Variants in ANO3 observed in about 807,000 individuals in gnomAD.
The protein encoded by ANO3 is anoctamin-3.
A neutral mutation model predicts 144.8 loss-of-function variants in ANO3; 99 were observed. The ratio of observed to expected loss-of-function variants is 0.68; its 90% CI spans 0.58 to 0.81. ANO3 has a LOEUF of 0.81. Ranked by LOEUF, ANO3 falls within the 30% of genes least tolerant of loss-of-function variation. The pLI, the probability that ANO3 is intolerant of heterozygous loss-of-function variation, is 0.00. For synonymous variants in ANO3, 414 were observed against 392.6 expected, an observed-to-expected ratio of 1.05 and a Z score of -0.64; for missense variants, 905 against 1,202.2, an observed-to-expected ratio of 0.75 and a Z score of 3.66.
chr11:26,656,201 T>C lies in ANO3; in HGVS notation c.2653T>C (p.Cys885Arg). 6.2e-7 allele frequency: 1 copy of C among 1,612,414 alleles called. No individual in the cohort carries two copies. The highest frequency in any genetic ancestry group is 8.5e-7 in the Non-Finnish European group (1 of 1,178,544). The change falls in exon 25 of 27, where the codon TGC becomes CGC. Residue 885 changes from cysteine to arginine, a missense_variant. Around this residue, in one of 4 missense-constraint regions of ANO3, gnomAD observed 597 missense variants for 865.1 expected, o/e 0.69. Transcript: ENST00000256737. ...GCTTGGTATGGGAAAATCTGGTTAT[T>C]GCAGGTACTTATAATAGTTATCTTT... ...SELGMGKSGY[C>R]RYRDYRGPPW...
chr11:26,318,877 G>A (rs1432111404), intron 1 of ANO3, among the ~76,000 whole-genome samples: 1 of 152,132 alleles, frequency 6.6e-6, no homozygotes, highest in East Asian at 1.9e-4. Flanking sequence ...TTGTTTTAAT[G>A]TTTAGTTTTG....
At chr11:26,479,926 G>GA (rs1226234601) in intron 4 of ANO3, among the ~76,000 whole-genome samples, 11 of 152,240 alleles carry the variant, frequency 7.2e-5, no homozygotes, top group Admixed American at 7.2e-4. Flanking sequence ...GCACTGCAGG[G>GA]AAAAATTAAG....
intron 1 of ANO3, among the ~76,000 whole-genome samples, chr11:26,336,000 A>C (rs532520189): frequency 1.1e-4 from 17 of 152,326 alleles, no homozygotes; most frequent in African/African-American, 4.1e-4. Context: ...AGGGGGAGGC[A>C]GTCTGCTTAT....
chr11:26,572,020 A>G, intron 14 of ANO3: 2 of 923,294 alleles, frequency 2.2e-6, no homozygotes, highest in Non-Finnish European at 1.3e-6. Flanking sequence ...GAGAGACCTA[A>G]GTGACCCAAC....
At chr11:26,309,477 C>A (rs1180207099), upstream of ANO3, 1 of 165,552 alleles carries the variant, frequency 6.0e-6, no homozygotes, top group Non-Finnish European at 1.2e-5. Context: ...AAAATTGTAT[C>A]TTCCTACACA....
At chr11:26,496,539 G>GT (rs1286841047) in intron 4 of ANO3, among the ~76,000 whole-genome samples, 2 of 151,932 alleles carry the variant, frequency 1.3e-5, no homozygotes, top group Non-Finnish European at 2.9e-5. Flanking sequence ...GTGTTGGTTT[G>GT]TTTGTTTTTA....
At chr11:26,537,378 A>C (rs1849537299) in intron 9 of ANO3, 28 bp from the exon 10 acceptor site, 1 of 1,574,980 alleles carries the variant, frequency 6.3e-7, no homozygotes, top group Non-Finnish European at 8.7e-7. Flanking sequence ...AAACTAACTC[A>C]ATAACTGTCC....
intron 1 of ANO3, among the ~76,000 whole-genome samples, chr11:26,278,168 G>A (rs1853599215): frequency 6.6e-6 from 1 of 152,012 alleles, no homozygotes; most frequent in Admixed American, 6.6e-5. Flanking sequence ...TGTCATTACT[G>A]ACACACCGTT....
intron 1 of ANO3, among the ~76,000 whole-genome samples, chr11:26,349,535 T>C (rs1190885338): frequency 1.3e-5 from 2 of 151,964 alleles, no homozygotes; most frequent in Non-Finnish European, 2.9e-5. Flanking sequence ...AGAATTGTTA[T>C]TGTTTGTTTG....
intron 17 of ANO3, among the ~76,000 whole-genome samples, chr11:26,600,002 T>C (rs1851744853): frequency 6.6e-6 from 1 of 152,140 alleles, no homozygotes; most frequent in African/African-American, 2.4e-5. Context: ...GTGCTAGAGA[T>C]GGTGCCATGC....
chr11:26,253,269 A>G (rs60835780), intron 1 of ANO3, among the ~76,000 whole-genome samples: 2,789 of 152,294 alleles, frequency 0.018, 69 homozygotes, highest in East Asian at 0.12. Flanking sequence ...GGATGGAGCT[A>G]GAGGCCATTA....
At chr11:26,414,912 C>G (rs570771627) in intron 1 of ANO3, among the ~76,000 whole-genome samples, 2 of 151,664 alleles carry the variant, frequency 1.3e-5, no homozygotes, top group Admixed American at 6.6e-5. Flanking sequence ...GTTTTAATTC[C>G]GAAAAATTGT....
intron 1 of ANO3, among the ~76,000 whole-genome samples, chr11:26,318,077 G>T (rs977485029): frequency 2.0e-5 from 3 of 152,084 alleles, no homozygotes; most frequent in Non-Finnish European, 4.4e-5. Flanking sequence ...ATGGACACAG[G>T]GAGGGGAACA....
intron 17 of ANO3, among the ~76,000 whole-genome samples, chr11:26,610,019 C>T (rs759049259): frequency 2.6e-5 from 4 of 152,242 alleles, no homozygotes; most frequent in African/African-American, 9.6e-5. Flanking sequence ...TCAAGCGATT[C>T]TCCTGCCTCA....
At chr11:26,628,186 A>G (rs1852655253) in intron 18 of ANO3, among the ~76,000 whole-genome samples, 1 of 152,004 alleles carries the variant, frequency 6.6e-6, no homozygotes, top group Non-Finnish European at 1.5e-5. Context: ...TGTCTATGTT[A>G]AAGATAAATT....
intron 1 of ANO3, among the ~76,000 whole-genome samples, chr11:26,395,685 G>A (rs1425672659): frequency 2.0e-5 from 3 of 151,976 alleles, no homozygotes; most frequent in Non-Finnish European, 2.9e-5. Context: ...ACAAAAACAA[G>A]CAATGGGGAA....
intron 6 of ANO3, among the ~76,000 whole-genome samples, chr11:26,522,138 C>T (rs968640259): frequency 6.6e-6 from 1 of 151,946 alleles, no homozygotes; most frequent in Non-Finnish European, 1.5e-5. Context: ...GAGCCGAGAT[C>T]GCGCCACTGC....
At chr11:26,421,364 C>A (rs1199255647) in intron 1 of ANO3, among the ~76,000 whole-genome samples, 1 of 151,822 alleles carries the variant, frequency 6.6e-6, no homozygotes, top group Admixed American at 6.6e-5. Context: ...ATGCTTTTTT[C>A]TTCAGTGATT....
intron 1 of ANO3, among the ~76,000 whole-genome samples, chr11:26,264,839 T>A (rs1288722781): frequency 6.6e-6 from 1 of 152,102 alleles, no homozygotes; most frequent in East Asian, 1.9e-4. Context: ...CCTAATGACT[T>A]TATTCCATGT....
Sources: gnomAD v4.1 joint callset for allele counts (sites outside exome capture counted in the v4.1 genomes callset) on GRCh38, gnomAD v4.1.1 for gene constraint, gnomAD v4.1.1 regional missense constraint, MANE v1.5 for transcripts, NCBI Gene and HGNC (gene_info 2026-07-23, HGNC 2026-07-21) for gene names.